The following PKHD1 variants were observed in gnomAD, a reference collection of about 807,000 sequenced individuals.
PKHD1 encodes the protein fibrocystin.
A neutral mutation model predicts 412.0 loss-of-function variants in PKHD1; 291 were observed. The observed-to-expected ratio is 0.71, with a 90% CI of 0.64 to 0.78. The LOEUF (loss-of-function observed/expected upper bound fraction) is 0.78, where lower values mean the gene tolerates loss of function less well. PKHD1 is among the 30% of genes least tolerant of loss of function. The probability of loss-of-function intolerance (pLI) is 0.00; values close to 1 mark genes in which losing one functional copy is unlikely to be tolerated. For missense variants in PKHD1, 4,825 were observed against 4,950.7 expected (o/e 0.97, Z 0.76); for synonymous variants, 1,777 against 1,821.5 (o/e 0.98, Z 0.62).
intron 28 of PKHD1, 24 bp downstream of exon 28, chr6:52,035,567 G>C: frequency 6.2e-7 from 1 of 1,610,168 alleles, no homozygotes; most frequent in Non-Finnish European, 8.5e-7. Flanking sequence ...CAGAGAGAAA[G>C]AGATATGAAA....
At chr6:51,826,476 T>C (rs935292778) in intron 52 of PKHD1, among the ~76,000 whole-genome samples, 3 of 152,184 alleles carry the variant, frequency 2.0e-5, no homozygotes, top group African/African-American at 7.2e-5. Context: ...AAATCCACTC[T>C]GGTCAGTTTA....
intron 46 of PKHD1, among the ~76,000 whole-genome samples, chr6:51,881,401 T>A (rs1279833381): frequency 2.6e-5 from 4 of 152,332 alleles, no homozygotes; most frequent in Middle Eastern, 3.4e-3. Context: ...TACAATTTTA[T>A]TATCTCTAAT....
At chr6:51,656,461 C>G (rs550295852) in intron 61 of PKHD1, among the ~76,000 whole-genome samples, 1 of 152,120 alleles carries the variant, frequency 6.6e-6, no homozygotes, top group African/African-American at 2.4e-5. Context: ...AAGAAGACAA[C>G]AAATGACAAC....
At chr6:52,055,498 C>A (rs1807568248) in intron 19 of PKHD1, 89 bp downstream of exon 19, 1 of 1,453,960 alleles carries the variant, frequency 6.9e-7, no homozygotes, top group Non-Finnish European at 9.6e-7. Context: ...GCAATCACTC[C>A]TTTGTGCTTC....
At chr6:51,830,510 T>C (rs949827203) in intron 52 of PKHD1, among the ~76,000 whole-genome samples, 1 of 152,182 alleles carries the variant, frequency 6.6e-6, no homozygotes, top group Non-Finnish European at 1.5e-5. Flanking sequence ...AATAAATTGT[T>C]GTCTTCCATA....
At chr6:51,786,807 C>T (rs11754528) in intron 53 of PKHD1, among the ~76,000 whole-genome samples, 88,814 of 151,650 alleles carry the variant, frequency 0.59, 26,735 homozygotes, top group East Asian at 0.83. Flanking sequence ...TGGTACTTGG[C>T]ACATGGCAGA....
At chr6:52,018,840 G>C (rs1428169011) in intron 33 of PKHD1, among the ~76,000 whole-genome samples, 2 of 152,056 alleles carry the variant, frequency 1.3e-5, no homozygotes, top group African/African-American at 2.4e-5. Context: ...TTTATGTTTG[G>C]TAACAACTCA....
chr6:51,981,310 G>GCCCCTCC (rs1562045774), intron 35 of PKHD1, among the ~76,000 whole-genome samples: 1 of 12,910 alleles, frequency 7.7e-5, no homozygotes, highest in Non-Finnish European at 2.9e-4. Flanking sequence ...CAAAGCTCAA[G>GCCCCTCC]CTCTCCCTCT....
intron 53 of PKHD1, among the ~76,000 whole-genome samples, chr6:51,781,029 T>A (rs1791911986): frequency 1.3e-5 from 2 of 152,166 alleles, no homozygotes; most frequent in South Asian, 4.1e-4. Flanking sequence ...CAGAAGTGGG[T>A]TAAATGGTGT....
Position 51,618,430 on chromosome 6 carries a change from A to C in PKHD1, c.*651T>G, listed in dbSNP as rs1766238461. The C allele has an allele frequency of 6.5e-6, 1 of 153,484 alleles. No homozygotes were observed. Among genetic ancestry groups the C allele is most frequent in the South Asian group, 2.1e-4 (1 of 4,874 alleles). The allele number at this position is 153,484 out of a possible 1,614,324, so 9.5% of individuals were successfully genotyped here. A position where few individuals can be genotyped will look rare whatever the true frequency, so the allele number is the denominator to read the frequency against. ...CTAAACTCTCAGCAAAGCCCATGAG[A>C]ATATCAATTTTCATGTGTAAATCCT... On this transcript the variant is annotated 3_prime_UTR_variant, in exon 67 of 67. Transcript: ENST00000371117.
chr6:51,934,408 AT>A (rs1338945173), intron 36 of PKHD1, 86 bp from the exon 37 acceptor site: 2 of 825,886 alleles, frequency 2.4e-6, no homozygotes, highest in Non-Finnish European at 4.2e-6. Flanking sequence ...AATCCCCTTC[AT>A]TTAAATACTT....
intron 35 of PKHD1, among the ~76,000 whole-genome samples, chr6:52,005,724 G>T (rs1319306084): frequency 6.6e-6 from 1 of 151,940 alleles, no homozygotes; most frequent in Non-Finnish European, 1.5e-5. Flanking sequence ...GGAATAAAGA[G>T]TTCCACAGGC....
At chr6:51,929,531 A>G (rs1034083075) in intron 37 of PKHD1, among the ~76,000 whole-genome samples, 4 of 152,306 alleles carry the variant, frequency 2.6e-5, no homozygotes, top group South Asian at 2.1e-4. Flanking sequence ...GTGGAGCACA[A>G]TGTGAAAACC....
chr6:51,746,084 A>G (rs1785158618), intron 59 of PKHD1, among the ~76,000 whole-genome samples: 1 of 151,496 alleles, frequency 6.6e-6, no homozygotes, highest in African/African-American at 2.4e-5. Context: ...CTAACTTTCT[A>G]CTCTCTTTCA....
chr6:51,839,281 C>T (rs73442359), intron 50 of PKHD1, among the ~76,000 whole-genome samples: 1,988 of 152,274 alleles, frequency 0.013, 53 homozygotes, highest in African/African-American at 0.046. Flanking sequence ...TATGTTTTCT[C>T]AGTGCTTATG....
intron 60 of PKHD1, among the ~76,000 whole-genome samples, chr6:51,718,505 G>A (rs1380945626): frequency 6.6e-6 from 1 of 152,162 alleles, no homozygotes. Flanking sequence ...AATTTCTAAA[G>A]GGTACATAGA....
At chr6:51,696,565 G>A (rs143630533) in intron 60 of PKHD1, among the ~76,000 whole-genome samples, 2 of 152,230 alleles carry the variant, frequency 1.3e-5, no homozygotes, top group East Asian at 3.9e-4. Flanking sequence ...TTACCCTACT[G>A]TTTTCTATCT....
intron 60 of PKHD1, among the ~76,000 whole-genome samples, chr6:51,687,277 T>C (rs919243297): frequency 2.0e-5 from 3 of 150,776 alleles, no homozygotes; most frequent in African/African-American, 4.8e-5. Flanking sequence ...AAAAATCAGA[T>C]GATAAAAAAT....
chr6:51,982,892 A>AAAATAAAAATAAAAAT (rs377667308), intron 35 of PKHD1, among the ~76,000 whole-genome samples: 1 of 140,428 alleles, frequency 7.1e-6, no homozygotes, highest in Non-Finnish European at 1.6e-5. Flanking sequence ...AAATAAAATA[A>AAAATAAAAATAAAAAT]AAAAAAGAGA....
Sources: gnomAD v4.1 joint callset for allele counts (sites outside exome capture counted in the v4.1 genomes callset) on GRCh38, gnomAD v4.1.1 for gene constraint, MANE v1.5 for transcripts, NCBI Gene and HGNC (gene_info 2026-07-23, HGNC 2026-07-21) for gene names.